PDE1C: variants seen among roughly 807,000 people sequenced by gnomAD.
PDE1C encodes the protein phosphodiesterase 1C.
Under a neutral mutation model 93.1 loss-of-function variants are expected in PDE1C, and 62 were observed. The ratio of observed to expected loss-of-function variants is 0.67; its 90% CI spans 0.54 to 0.82. The LOEUF (loss-of-function observed/expected upper bound fraction) is 0.82, where lower values mean the gene tolerates loss of function less well. Ranked by LOEUF, PDE1C falls within the 40% of genes least tolerant of loss-of-function variation. The pLI, the probability that PDE1C is intolerant of heterozygous loss-of-function variation, is 0.00. For missense variants in PDE1C, 742 were observed against 884.6 expected, an observed-to-expected ratio of 0.84 and a Z score of 2.04; for synonymous variants, 325 against 310.1, an observed-to-expected ratio of 1.05 and a Z score of -0.50.
chr7:31,846,196 A>G (rs1199512364), intron 9 of PDE1C, among the ~76,000 whole-genome samples: 3 of 149,080 alleles, frequency 2.0e-5, no homozygotes, highest in African/African-American at 7.4e-5. Context: ...TACGTATGCT[A>G]CTTCTGTTAT....
the PDE1C span, among the ~76,000 whole-genome samples, chr7:31,685,726 A>T: frequency 6.6e-6 from 1 of 152,198 alleles, no homozygotes; most frequent in African/African-American, 2.4e-5. Flanking sequence ...AATAAAATTT[A>T]AAAAATGAAG....
chr7:31,887,595 A>C (rs1333511412), intron 2 of PDE1C, among the ~76,000 whole-genome samples: 1 of 152,220 alleles, frequency 6.6e-6, no homozygotes, highest in Admixed American at 6.5e-5. Context: ...TCATGAACAA[A>C]ATTGACCTAG....
intron 2 of PDE1C, among the ~76,000 whole-genome samples, chr7:31,979,408 C>A (rs542039910): frequency 6.6e-6 from 1 of 152,234 alleles, no homozygotes; most frequent in East Asian, 1.9e-4. Context: ...AATACATAGT[C>A]ATTATTTTAC....
the PDE1C span, among the ~76,000 whole-genome samples, chr7:31,701,782 C>T: frequency 6.6e-6 from 1 of 152,236 alleles, no homozygotes; most frequent in Non-Finnish European, 1.5e-5. Flanking sequence ...TCAGTGAAGA[C>T]TCAGATAATC....
chr7:32,225,023 A>T (rs200880024), intron 1 of PDE1C, among the ~76,000 whole-genome samples: 2,442 of 67,300 alleles, frequency 0.036, 35 homozygotes, highest in East Asian at 0.13. Flanking sequence ...TTTCTTATTT[A>T]AAAAAAAAAA....
At chr7:31,926,533 TC>T (rs1803405213) in intron 2 of PDE1C, among the ~76,000 whole-genome samples, 1 of 152,170 alleles carries the variant, frequency 6.6e-6, no homozygotes, top group South Asian at 2.1e-4. Context: ...GGTCTGCAGC[TC>T]CCAGCAAGAC....
chr7:32,021,236 G>A (rs1055908623), intron 2 of PDE1C, among the ~76,000 whole-genome samples: 2 of 152,098 alleles, frequency 1.3e-5, no homozygotes, highest in African/African-American at 4.8e-5. Flanking sequence ...AGTTGCAGAT[G>A]CCTTGATGTT....
At chr7:32,268,064 G>A (rs2128884454) in intron 1 of PDE1C, among the ~76,000 whole-genome samples, 1 of 152,292 alleles carries the variant, frequency 6.6e-6, no homozygotes, top group South Asian at 2.1e-4. Flanking sequence ...AACGTCGGGG[G>A]TTACCCACCA....
chr7:31,860,658 C>T (rs1250718617), intron 7 of PDE1C, among the ~76,000 whole-genome samples: 1 of 152,110 alleles, frequency 6.6e-6, no homozygotes, highest in African/African-American at 2.4e-5. Context: ...ATGCTTACTT[C>T]ATTAATTTGT....
At chr7:32,033,242 C>T (rs1285061849) in intron 2 of PDE1C, among the ~76,000 whole-genome samples, 1 of 151,912 alleles carries the variant, frequency 6.6e-6, no homozygotes, top group East Asian at 1.9e-4. Flanking sequence ...GTGACTCATC[C>T]ACAGATGAAT....
chr7:32,074,160 A>G (rs745754809), upstream of PDE1C, among the ~76,000 whole-genome samples: 2 of 152,206 alleles, frequency 1.3e-5, no homozygotes, highest in Admixed American at 6.5e-5. Context: ...ATCACAAAAG[A>G]TTAGGAAGAA....
intron 1 of PDE1C, among the ~76,000 whole-genome samples, chr7:32,317,435 C>T (rs986191279): frequency 6.6e-6 from 1 of 152,120 alleles, no homozygotes; most frequent in Non-Finnish European, 1.5e-5. Context: ...CCACCTTTGC[C>T]TCTCTTTGTC....
intron 1 of PDE1C, among the ~76,000 whole-genome samples, chr7:32,266,116 T>G (rs1423828389): frequency 6.6e-6 from 1 of 150,664 alleles, no homozygotes; most frequent in South Asian, 2.1e-4. Context: ...CTACTAAAAA[T>G]AAAAATAAAA....
At chr7:32,125,373 T>C (rs1236502075) in intron 3 of PDE1C, among the ~76,000 whole-genome samples, 2 of 152,190 alleles carry the variant, frequency 1.3e-5, no homozygotes, top group East Asian at 1.9e-4. Flanking sequence ...ACTGGGTATA[T>C]ACCCAAAAGA....
the PDE1C span, among the ~76,000 whole-genome samples, chr7:31,639,549 T>TG: frequency 2.7e-4 from 41 of 150,138 alleles, 1 homozygote; most frequent in African/African-American, 9.3e-4. Context: ...TTTTTTTTTT[T>TG]TTTTTGAGAT....
intron 3 of PDE1C, among the ~76,000 whole-genome samples, chr7:32,114,174 AG>A (rs1396894549): frequency 2.6e-5 from 4 of 152,194 alleles, no homozygotes; most frequent in Admixed American, 2.6e-4. Flanking sequence ...GACAATCCTA[AG>A]CAAACAGAAC....
intron 3 of PDE1C, among the ~76,000 whole-genome samples, chr7:32,156,469 A>C (rs565966426): frequency 6.6e-6 from 1 of 152,272 alleles, no homozygotes; most frequent in Admixed American, 6.5e-5. Context: ...ACACATCTTC[A>C]TATTCTAAGT....
At chr7:32,002,352 G>A (rs1261874075) in intron 2 of PDE1C, among the ~76,000 whole-genome samples, 1 of 152,106 alleles carries the variant, frequency 6.6e-6, no homozygotes, top group African/African-American at 2.4e-5. Context: ...CAAAGCAGGA[G>A]GCACCATGGA....
intron 3 of PDE1C, among the ~76,000 whole-genome samples, chr7:32,103,222 AGGGAG>A (rs1409625557): frequency 6.6e-6 from 1 of 152,192 alleles, no homozygotes; most frequent in African/African-American, 2.4e-5. Flanking sequence ...GAAGCAGAAA[AGGGAG>A]GGGAGAAGGT....
Sources: allele counts gnomAD v4.1 joint callset (sites outside exome capture counted in the v4.1 genomes callset), GRCh38; gene constraint gnomAD v4.1.1; transcripts MANE v1.5; gene names NCBI Gene and HGNC (gene_info 2026-07-23, HGNC 2026-07-21).